The following FLNB variants were observed in gnomAD, a reference collection of about 807,000 sequenced individuals.
FLNB encodes filamin-B.
In FLNB, 111 loss-of-function variants were observed where a neutral mutation model predicts 250.6. The ratio of observed to expected loss-of-function variants is 0.44; its 90% CI spans 0.38 to 0.52. The LOEUF is 0.52. Among genes scored for constraint, FLNB ranks in the 20% least tolerant of loss-of-function variants. The pLI is 0.00. For missense variants in FLNB, 2,869 were observed against 3,447.8 expected (o/e 0.83, Z 4.20); for synonymous variants, 1,302 against 1,372.1 (o/e 0.95, Z 1.13).
chr3:58,150,445 CT>C, intron 38 of FLNB: 1 of 602,804 alleles, frequency 1.7e-6, no homozygotes, highest in East Asian at 2.9e-5. Context: ...CCTTTTTCCT[CT>C]TCCAAATAAA....
chr3:58,021,995 A>G (rs983913660), intron 1 of FLNB, among the ~76,000 whole-genome samples: 2 of 150,400 alleles, frequency 1.3e-5, no homozygotes, highest in Non-Finnish European at 1.5e-5. Context: ...CTGGTCTTGA[A>G]CTCCTGGGCT....
intron 18 of FLNB, among the ~76,000 whole-genome samples, chr3:58,114,248 G>A (rs1161682243): frequency 6.6e-6 from 1 of 152,176 alleles, no homozygotes; most frequent in African/African-American, 2.4e-5. Context: ...TGGAAGTACA[G>A]GCACGTGCCA....
rs759231623 is a variant in FLNB, at chr3:58,146,979, C to T, written c.5714C>T (p.Thr1905Ile). ...AAGCACATCCCTGGCAGCCCCTTCA[C>T]AGCCAAGATCACAGGTAGGGTTGTC... ...NDKHIPGSPF[T>I]AKITDDSRRC... Residue 1905 changes from threonine to isoleucine, a missense_variant, in exon 34 of 46, where the codon ACA becomes ATA. Transcript: ENST00000295956. 5.6e-6 allele frequency: 9 copies of T among 1,614,032 alleles called. No homozygotes were observed. The highest frequency in any genetic ancestry group is 5.9e-6 in the Non-Finnish European group (7 of 1,180,018).
intron 1 of FLNB, among the ~76,000 whole-genome samples, chr3:58,027,689 C>G (rs1256854871): frequency 6.6e-6 from 1 of 152,210 alleles, no homozygotes; most frequent in African/African-American, 2.4e-5. Flanking sequence ...TCTGTGTCCC[C>G]CAAGCTTCAA....
At chr3:58,051,582 C>T (rs571017478) in intron 1 of FLNB, among the ~76,000 whole-genome samples, 105 of 152,208 alleles carry the variant, frequency 6.9e-4, no homozygotes, top group African/African-American at 2.0e-3. Flanking sequence ...ACAGTGATTC[C>T]GAAGGTAGAC....
At chr3:58,115,119 G>C (rs934481912) in intron 18 of FLNB, among the ~76,000 whole-genome samples, 2 of 152,180 alleles carry the variant, frequency 1.3e-5, no homozygotes, top group African/African-American at 4.8e-5. Flanking sequence ...TATTAGTAAT[G>C]ATAAAACTAA....
rs80189625 is a variant in FLNB at position 58,039,310 on chromosome 3, T to TAA, written c.292+30468_292+30469dup. Among the ~76,000 whole-genome samples, 761 of 128,334 alleles carry TAA rather than the reference T, an allele frequency of 5.9e-3. 7 individuals are homozygous for TAA. Among genetic ancestry groups the TAA allele is most frequent in the African/African-American group, 0.02 (708 of 35,210 alleles). 84.2% of individuals were successfully genotyped at this position (128,334 alleles called of 152,430 possible). On this transcript the variant is annotated intron_variant, in intron 1 of 45. Transcript: ENST00000295956. Reference sequence around the variant, plus strand: ...TCTCGTTGGATTAGAATTTGATAGGTAAAAAAAAAAAAAAAGGTGTAGAAA... The same window carrying TAA: ...TCTCGTTGGATTAGAATTTGATAGGTAAAAAAAAAAAAAAAAAGGTGTAGAAA...
At chr3:58,153,995 C>G (rs1023933042) in intron 39 of FLNB, among the ~76,000 whole-genome samples, 3 of 152,184 alleles carry the variant, frequency 2.0e-5, no homozygotes, top group African/African-American at 7.2e-5. Context: ...CTGTAAGCAT[C>G]CTTTCCTGTG....
chr3:58,097,712 A>G (rs1187923299), intron 6 of FLNB, 103 bp from the exon 7 acceptor site: 5 of 1,162,062 alleles, frequency 4.3e-6, no homozygotes, highest in East Asian at 2.5e-5. Context: ...GTGTGCCATC[A>G]TGGGAGGGTA....
intron 29 of FLNB, among the ~76,000 whole-genome samples, chr3:58,139,199 A>G (rs1251797482): frequency 3.9e-5 from 6 of 152,170 alleles, no homozygotes; most frequent in Non-Finnish European, 7.3e-5. Flanking sequence ...CTTCTTCTGA[A>G]TATTCTTCAA....
In FLNB at chr3:58,154,810, C is replaced by A. The variant is rs1484817315; in HGVS notation, c.6654C>A (p.Thr2218=). ...TCTCAGCTGAGTTCAGCATTTGGAC[C>A]CGGGAAGCAGGCGCTGGAGGCCTCT... ...AGVPAEFSIW[T]REAGAGGLSI... The change falls in exon 40 of 46, where the codon ACC becomes ACA. Residue 2218 remains threonine, a synonymous_variant. Transcript: ENST00000295956. 3 of 1,613,978 alleles carry A rather than the reference C, an allele frequency of 1.9e-6. No individual in the cohort carries two copies. The East Asian group carries it at 6.7e-5, about 36-fold the overall frequency.
At chr3:58,093,910 C>T (rs922014244) in intron 4 of FLNB, among the ~76,000 whole-genome samples, 3 of 152,096 alleles carry the variant, frequency 2.0e-5, no homozygotes, top group East Asian at 1.9e-4. Context: ...GTGACGTTAC[C>T]GAAATAATAA....
intron 1 of FLNB, among the ~76,000 whole-genome samples, chr3:58,075,124 A>C (rs2097199892): frequency 6.6e-6 from 1 of 152,084 alleles, no homozygotes; most frequent in Admixed American, 6.5e-5. Context: ...CCTTATCAGC[A>C]TGTGAGTATG....
At chr3:58,081,022 G>T (rs1234321397) in intron 3 of FLNB, among the ~76,000 whole-genome samples, 1 of 152,034 alleles carries the variant, frequency 6.6e-6, no homozygotes, top group Non-Finnish European at 1.5e-5. Context: ...TCGAACTCCT[G>T]ACCTCAAGTG....
At chr3:58,127,995 T>C (rs1291493264) in intron 24 of FLNB, among the ~76,000 whole-genome samples, 2 of 152,130 alleles carry the variant, frequency 1.3e-5, no homozygotes, top group East Asian at 3.9e-4. Context: ...GACCGAGGGC[T>C]GGGGCTGTTC....
chr3:58,060,823 G>GAAAAT (rs1470793935), intron 1 of FLNB, among the ~76,000 whole-genome samples: 1 of 113,050 alleles, frequency 8.8e-6, no homozygotes, highest in Admixed American at 8.4e-5. Flanking sequence ...GAAAAGAAAA[G>GAAAAT]AAAAGAAAAA....
intron 4 of FLNB, among the ~76,000 whole-genome samples, chr3:58,084,636 T>A (rs1052629174): frequency 6.6e-6 from 1 of 152,202 alleles, no homozygotes; most frequent in Non-Finnish European, 1.5e-5. Context: ...AATTCACTAT[T>A]TTAACCATTT....
rs747306478 is a variant in FLNB at position 58,123,611 on chromosome 3, C to T, written c.3645C>T (p.His1215=). ...TMKYGGELVP[H]FPARVKVEPA... is the part of the protein sequence containing the mutation. ...AGTATGGTGGCGAACTCGTGCCACA[C>T]TTCCCCGCCCGGGTCAAGGTGGAGC... Residue 1215 remains histidine (H), a synonymous_variant, in exon 21 of 46, where the codon CAC becomes CAT. Coordinates refer to ENST00000295956, the MANE Select transcript of FLNB (RefSeq NM_001457.4). 6.2e-7 allele frequency: 1 copy of T among 1,612,326 alleles called. No homozygotes were observed. The highest frequency in any genetic ancestry group is 1.1e-5 in the South Asian group (1 of 91,024).
intron 4 of FLNB, among the ~76,000 whole-genome samples, chr3:58,084,925 T>A (rs137946634): frequency 2.0e-5 from 3 of 152,218 alleles, no homozygotes; most frequent in Non-Finnish European, 4.4e-5. Flanking sequence ...AGAAGTAGAA[T>A]CATATGCTGT....
Sources: gnomAD v4.1 joint callset for allele counts (sites outside exome capture counted in the v4.1 genomes callset) on GRCh38, gnomAD v4.1.1 for gene constraint, MANE v1.5 for transcripts, NCBI Gene and HGNC (gene_info 2026-07-23, HGNC 2026-07-21) for gene names.